The following ZDHHC2 variants were observed in gnomAD, a reference collection of about 807,000 sequenced individuals.
The protein encoded by ZDHHC2 is zDHHC palmitoyltransferase 2.
A neutral mutation model predicts 55.6 loss-of-function variants in ZDHHC2; 51 were observed. The observed-to-expected ratio is 0.92, with a 90% CI of 0.73 to 1.16. The LOEUF is 1.16. Among genes scored for constraint, ZDHHC2 ranks in the 50% most tolerant of loss-of-function variants. The pLI is 0.00. For missense variants in ZDHHC2, 491 were observed against 442.4 expected, an observed-to-expected ratio of 1.11 and a Z score of -0.99; for synonymous variants, 199 against 152.9, an observed-to-expected ratio of 1.30 and a Z score of -2.22.
chr8:17,156,645 G>T lies in ZDHHC2; in HGVS notation c.-79G>T. On this transcript the variant is annotated 5_prime_UTR_variant, in exon 1 of 13. Transcript: ENST00000262096. ...CCGCCCAGGAGCCCGTCCAGCCAGG[G>T]GTGCCGGGCCCGCCCAGCCCGCCCC... The T allele has an allele frequency of 9.1e-7, 1 of 1,104,556 alleles. No homozygotes were observed. The highest frequency in any genetic ancestry group is 1.1e-6 in the Non-Finnish European group (1 of 905,034). The allele number at this position is 1,104,556 out of a possible 1,614,324, so 68.4% of individuals were successfully genotyped here.
Position 17,156,830 on chromosome 8 carries a change from C to T in ZDHHC2, c.107C>T (p.Ala36Val), listed in dbSNP as rs1267123408. Residue 36 changes from alanine (A) to valine (V), a missense_variant, in exon 1 of 13, where the codon GCC becomes GTC. By Grantham distance (64) the Ala-to-Val change is moderately conservative (BLOSUM62 0). Coordinates refer to ENST00000262096, the MANE Select transcript of ZDHHC2 (RefSeq NM_016353.5). ...ITLLLGWSYY[A>V]YAIQLCIVSM... ...CTCCTGCTCGGCTGGTCCTACTACG[C>T]CTACGCCATCCAGCTGTGCATAGGT... is the stretch of plus-strand genomic sequence containing the variant. 2.6e-6 allele frequency: 4 copies of T among 1,519,954 alleles called. No individual in the cohort carries two copies. Among genetic ancestry groups the T allele is most frequent in the Non-Finnish European group, 1.8e-6 (2 of 1,132,526 alleles). The allele number at this position is 1,519,954 out of a possible 1,614,324, so 94.2% of individuals were successfully genotyped here. A position where few individuals can be genotyped will look rare whatever the true frequency, so the allele number is the denominator to read the frequency against.
intron 1 of ZDHHC2, among the ~76,000 whole-genome samples, chr8:17,175,270 C>T (rs1414526644): frequency 2.0e-5 from 3 of 152,100 alleles, no homozygotes. Context: ...AGGAAAGGAG[C>T]TCTGGGAGAC....
At chr8:17,157,194 C>T (rs996206504) in intron 1 of ZDHHC2, among the ~76,000 whole-genome samples, 1 of 152,158 alleles carries the variant, frequency 6.6e-6, no homozygotes, top group African/African-American at 2.4e-5. Flanking sequence ...AGGCCGAGGC[C>T]GGCGAGGCGC....
chr8:17,193,115 T>C (rs1269727784), intron 3 of ZDHHC2, among the ~76,000 whole-genome samples: 1 of 152,204 alleles, frequency 6.6e-6, no homozygotes, highest in Non-Finnish European at 1.5e-5. Flanking sequence ...TCCAGTTTTG[T>C]TCTTTTTACT....
intron 2 of ZDHHC2, 59 bp from the exon 3 acceptor site, chr8:17,186,272 G>A (rs2150908208): frequency 8.8e-7 from 1 of 1,135,008 alleles, no homozygotes; most frequent in East Asian, 2.7e-5. Flanking sequence ...GGTTGTGACT[G>A]TCATAATTTT....
intron 10 of ZDHHC2, among the ~76,000 whole-genome samples, chr8:17,212,150 T>G (rs917957787): frequency 1.3e-5 from 2 of 152,172 alleles, no homozygotes; most frequent in African/African-American, 2.4e-5. Flanking sequence ...AGGTCAGATT[T>G]AGACAGCTAA....
rs532663283 is a variant in ZDHHC2 at position 17,205,432 on chromosome 8, T to C, written c.477-223T>C. Among the ~76,000 whole-genome samples the C allele has an allele frequency of 1.4e-3, 218 of 152,356 alleles. 1 individual carries two copies. Among genetic ancestry groups the C allele is most frequent in the African/African-American group, 4.8e-3 (201 of 41,580 alleles). ...AGATGACATGCAGTTACATTGTTTGTGATTGACTAAAGCAATATTAAATAT... is the reference window on the plus strand; with the variant it reads ...AGATGACATGCAGTTACATTGTTTGCGATTGACTAAAGCAATATTAAATAT... On this transcript the variant is annotated intron_variant, in intron 6 of 12. Transcript: ENST00000262096.
intron 4 of ZDHHC2, among the ~76,000 whole-genome samples, chr8:17,197,000 A>G (rs972288897): frequency 2.0e-5 from 3 of 152,228 alleles, no homozygotes; most frequent in African/African-American, 7.2e-5. Flanking sequence ...AGTCTCACAC[A>G]TAATGTTTTC....
intron 5 of ZDHHC2, 74 bp from the exon 6 acceptor site, chr8:17,198,307 A>G: frequency 2.9e-6 from 4 of 1,379,002 alleles, no homozygotes; most frequent in Admixed American, 2.7e-5. Context: ...ACTAACCATA[A>G]TTTATATTTT....
At chr8:17,205,917 T>G (rs1432171387) in intron 7 of ZDHHC2, 142 bp downstream of exon 7, 1 of 807,246 alleles carries the variant, frequency 1.2e-6, no homozygotes, top group African/African-American at 1.8e-5. Context: ...CGCAGATTCT[T>G]TATTTGTTAA....
chr8:17,165,096 A>G (rs1804538372), intron 1 of ZDHHC2, among the ~76,000 whole-genome samples: 1 of 152,202 alleles, frequency 6.6e-6, no homozygotes, highest in African/African-American at 2.4e-5. Context: ...TAGGAAAGAC[A>G]GTCCACTCCA....
chr8:17,180,363 G>C (rs941505933), intron 1 of ZDHHC2, among the ~76,000 whole-genome samples: 1 of 152,048 alleles, frequency 6.6e-6, no homozygotes, highest in Non-Finnish European at 1.5e-5. Flanking sequence ...CGTTTAAAAA[G>C]GCAATTGACT....
chr8:17,207,356 G>A (rs1223460000), intron 7 of ZDHHC2, among the ~76,000 whole-genome samples: 1 of 152,156 alleles, frequency 6.6e-6, no homozygotes, highest in Non-Finnish European at 1.5e-5. Context: ...GACTGTTTCA[G>A]CCCATGGATA....
At chr8:17,203,994 G>C (rs1806960784) in intron 6 of ZDHHC2, among the ~76,000 whole-genome samples, 1 of 151,926 alleles carries the variant, frequency 6.6e-6, no homozygotes, top group Non-Finnish European at 1.5e-5. Flanking sequence ...TTTTAGTAGA[G>C]ACAGGGTTTC....
At chr8:17,202,647 T>C (rs1454658049) in intron 6 of ZDHHC2, among the ~76,000 whole-genome samples, 7 of 152,038 alleles carry the variant, frequency 4.6e-5, no homozygotes, top group Non-Finnish European at 1.0e-4. Context: ...GCAGTTAAAA[T>C]GTCTAGCCAA....
intron 8 of ZDHHC2, among the ~76,000 whole-genome samples, chr8:17,209,392 C>T (rs1380402619): frequency 1.3e-5 from 2 of 152,116 alleles, no homozygotes; most frequent in Non-Finnish European, 2.9e-5. Flanking sequence ...GAGGGTGAGG[C>T]AGAAGAATTG....
At chr8:17,199,534 G>A (rs1304216472) in intron 6 of ZDHHC2, among the ~76,000 whole-genome samples, 13 of 940 alleles carry the variant, frequency 0.014, 1 homozygote, top group South Asian at 0.11. Context: ...TTCGTCTTCT[G>A]TCTTCGTCTT....
intron 10 of ZDHHC2, among the ~76,000 whole-genome samples, chr8:17,211,445 T>G (rs1807381825): frequency 6.6e-6 from 1 of 152,078 alleles, no homozygotes; most frequent in Non-Finnish European, 1.5e-5. Flanking sequence ...GTGTTCCTGG[T>G]AGCCATTCTA....
At chr8:17,161,130 C>G (rs924293458) in intron 1 of ZDHHC2, among the ~76,000 whole-genome samples, 1 of 152,176 alleles carries the variant, frequency 6.6e-6, no homozygotes, top group African/African-American at 2.4e-5. Flanking sequence ...TACACAAAGC[C>G]TCCTACTTGG....
Sources: gnomAD v4.1 joint callset for allele counts (sites outside exome capture counted in the v4.1 genomes callset) on GRCh38, gnomAD v4.1.1 for gene constraint, MANE v1.5 for transcripts, NCBI Gene and HGNC (gene_info 2026-07-23, HGNC 2026-07-21) for gene names.